AR: variants seen among roughly 807,000 people sequenced by gnomAD.
The protein encoded by AR is androgen receptor, also known as dihydrotestosterone receptor.
In AR, 8 loss-of-function variants were observed where a neutral mutation model predicts 53.9. That is an observed-to-expected ratio of 0.15 (90% CI 0.09 to 0.27). The LOEUF (loss-of-function observed/expected upper bound fraction) is 0.27, where lower values mean the gene tolerates loss of function less well. Ranked by LOEUF, AR falls within the 10% of genes least tolerant of loss-of-function variation. The pLI, the probability that AR is intolerant of heterozygous loss-of-function variation, is 1.00. For missense variants in AR, 639 were observed against 742.5 expected (o/e 0.86, Z 1.62); for synonymous variants, 359 against 316.4 (o/e 1.13, Z -1.43).
At chrX:67,668,821 C>T (rs1178122162) in intron 2 of AR, among the ~76,000 whole-genome samples, 1 of 111,161 alleles carries the variant, frequency 9.0e-6, no homozygotes, top group Non-Finnish European at 1.9e-5. Flanking sequence ...TCAATTTCTT[C>T]TAGGTTTTCC....
rs192739240 is a variant in AR, at chrX:67,686,782, G to C, written c.1885+656G>C. ...TTTTCAGTAGCACAGTAACGTGATA[G>C]ATGGAAGATACAGCTCTTTCAAGGG... is the stretch of plus-strand genomic sequence containing the variant. On this transcript the variant is annotated intron_variant, in intron 3 of 7. Coordinates refer to ENST00000374690, the MANE Select transcript of AR (RefSeq NM_000044.6). Among the ~76,000 whole-genome samples the C allele has an allele frequency of 1.9e-4, 21 of 111,374 alleles. No homozygotes were observed. In the East Asian group the frequency reaches 2.6e-3, roughly 14 times the overall value.
chrX:67,715,015 G>A (rs1053084421), intron 4 of AR, among the ~76,000 whole-genome samples: 4 of 111,012 alleles, frequency 3.6e-5, no homozygotes, highest in East Asian at 2.8e-4. Context: ...TTGTTAGTTC[G>A]GTGGCATTTT....
At chrX:67,707,838 G>C (rs1435621287) in intron 3 of AR, among the ~76,000 whole-genome samples, 1 of 111,588 alleles carries the variant, frequency 9.0e-6, no homozygotes, top group African/African-American at 3.3e-5. Flanking sequence ...TGCAGGCCTG[G>C]TGGTGACAAA....
chrX:67,700,081 G>A (rs766392503), intron 3 of AR, among the ~76,000 whole-genome samples: 4 of 111,700 alleles, frequency 3.6e-5, no homozygotes, highest in South Asian at 7.5e-4. Flanking sequence ...ATCAGGCCAG[G>A]TGTTACAATC....
chrX:67,663,011 T>A (rs1363796588), intron 2 of AR, among the ~76,000 whole-genome samples: 1 of 111,834 alleles, frequency 8.9e-6, no homozygotes, highest in African/African-American at 3.3e-5. Context: ...TTTGAGCCTA[T>A]GTGTGTCTCT....
intron 3 of AR, among the ~76,000 whole-genome samples, chrX:67,707,249 C>T (rs2076072631): frequency 9.0e-6 from 1 of 111,689 alleles, no homozygotes; most frequent in South Asian, 3.8e-4. Context: ...GTGTTAAAGT[C>T]TCCCTTGATT....
intron 1 of AR, among the ~76,000 whole-genome samples, chrX:67,555,394 C>T (rs1450810938): frequency 8.9e-6 from 1 of 111,899 alleles, no homozygotes; most frequent in Admixed American, 9.5e-5. Context: ...TCTATTTCTG[C>T]TTATTCAATA....
At position 67,588,107 on chromosome X, in the gene AR, C is replaced by T. The variant is rs147182213; in HGVS notation, c.1616+41345C>T. On this transcript the variant is annotated intron_variant, in intron 1 of 7. Coordinates refer to ENST00000374690, the MANE Select transcript of AR (RefSeq NM_000044.6). ...CTGTGGAGCATCGGAGGCTGTTACT[C>T]AATATCTTGGCCAGCACTCTCAACT... is the stretch of plus-strand genomic sequence containing the variant. Among the ~76,000 whole-genome samples, 955 of 111,766 alleles carry T rather than the reference C, an allele frequency of 8.5e-3. 4 individuals are homozygous for T. Among genetic ancestry groups the T allele is most frequent in the Non-Finnish European group, 0.013 (705 of 53,143 alleles).
intron 1 of AR, among the ~76,000 whole-genome samples, chrX:67,606,020 C>T (rs768859745): frequency 5.4e-5 from 6 of 111,870 alleles, no homozygotes; most frequent in Non-Finnish European, 7.5e-5. Flanking sequence ...TGTTTTCAGT[C>T]GAACAGGGGA....
At chrX:67,635,347 A>G (rs987319368) in intron 1 of AR, among the ~76,000 whole-genome samples, 1 of 111,631 alleles carries the variant, frequency 9.0e-6, no homozygotes, top group African/African-American at 3.3e-5. Context: ...TCAGTGGTAG[A>G]GGCAGGATTC....
rs144384464 is a variant in AR, at chrX:67,633,768, A to G, written c.1617-9488A>G. 7.0e-3 allele frequency among the ~76,000 whole-genome samples: 790 copies of G among 112,144 alleles called. 5 individuals are homozygous for G. Among genetic ancestry groups the G allele is most frequent in the African/African-American group, 0.024 (754 of 30,900 alleles). On this transcript the variant is annotated intron_variant, in intron 1 of 7. Transcript: ENST00000374690. ...AGTACTCATACATGCTCCAACATGG[A>G]TGAACCTTGAAAACATTATGCTAGG...
intron 1 of AR, among the ~76,000 whole-genome samples, chrX:67,597,093 C>G (rs747378344): frequency 8.9e-6 from 1 of 112,067 alleles, no homozygotes; most frequent in African/African-American, 3.2e-5. Context: ...GGAAGAGTTT[C>G]TGGCACTTCT....
intron 2 of AR, among the ~76,000 whole-genome samples, chrX:67,675,628 C>A (rs1363115155): frequency 1.8e-5 from 2 of 111,716 alleles, no homozygotes; most frequent in Non-Finnish European, 3.8e-5. Flanking sequence ...CTCTCCCAAG[C>A]CTGCTCTGAA....
intron 1 of AR, among the ~76,000 whole-genome samples, chrX:67,571,930 A>G (rs1921834108): frequency 9.0e-6 from 1 of 110,974 alleles, no homozygotes; most frequent in African/African-American, 3.3e-5. Context: ...AGAGAAGTCT[A>G]TGATGCTGGA....
At chrX:67,611,196 T>C (rs1923864607) in intron 1 of AR, among the ~76,000 whole-genome samples, 1 of 112,090 alleles carries the variant, frequency 8.9e-6, no homozygotes, top group Non-Finnish European at 1.9e-5. Context: ...TGGTAGATAT[T>C]ACCTTTTCCC....
intron 2 of AR, among the ~76,000 whole-genome samples, chrX:67,656,175 G>A (rs1184219388): frequency 9.0e-6 from 1 of 111,503 alleles, no homozygotes. Flanking sequence ...AGGGAAGAAG[G>A]GCTGGAGGTG....
At chrX:67,675,762 A>C (rs775274241) in intron 2 of AR, among the ~76,000 whole-genome samples, 22 of 111,576 alleles carry the variant, frequency 2.0e-4, no homozygotes, top group Non-Finnish European at 4.1e-4. Context: ...GTGATTGCTC[A>C]CCTGATTTTT....
intron 1 of AR, among the ~76,000 whole-genome samples, chrX:67,554,392 G>A (rs1930108595): frequency 9.0e-6 from 1 of 111,605 alleles, no homozygotes; most frequent in Non-Finnish European, 1.9e-5. Flanking sequence ...GATGGGGAAA[G>A]GATTCATTTA....
At position 67,663,468 on chromosome X, in the gene AR, C is replaced by T. The variant is rs185927433; in HGVS notation, c.1768+20061C>T. ...AATATTGGCCCCCACTCTCTTCTGG[C>T]TTGTAGAGTTTCTGCTGAGAGATCA... On this transcript the variant is annotated intron_variant, in intron 2 of 7. Transcript: ENST00000374690. 2.8e-4 allele frequency among the ~76,000 whole-genome samples: 32 copies of T among 112,535 alleles called. No individual in the cohort carries two copies. The Admixed American group carries it at 2.9e-3, about 10-fold the overall frequency.
Sources: allele counts gnomAD v4.1 joint callset (sites outside exome capture counted in the v4.1 genomes callset), GRCh38; gene constraint gnomAD v4.1.1; transcripts MANE v1.5; gene names NCBI Gene and HGNC (gene_info 2026-07-23, HGNC 2026-07-21).